PCCA: variants seen among roughly 807,000 people sequenced by gnomAD.
The protein encoded by PCCA is propionyl-CoA carboxylase subunit alpha, also known as propionyl-CoA carboxylase alpha chain, mitochondrial.
Under a neutral mutation model 101.3 loss-of-function variants are expected in PCCA, and 74 were observed. The observed-to-expected ratio is 0.73, with a 90% CI of 0.61 to 0.89. PCCA has a LOEUF of 0.89. Ranked by LOEUF, PCCA falls within the 40% of genes least tolerant of loss-of-function variation. The pLI, the probability that PCCA is intolerant of heterozygous loss-of-function variation, is 0.00. For synonymous variants in PCCA, 294 were observed against 313.6 expected (o/e 0.94, Z 0.66); for missense variants, 891 against 907.0 (o/e 0.98, Z 0.23).
chr13:100,360,194 A>G (rs757906868), intron 18 of PCCA, among the ~76,000 whole-genome samples: 3 of 151,322 alleles, frequency 2.0e-5, no homozygotes, highest in Non-Finnish European at 2.9e-5. Context: ...TTCTTTAACC[A>G]TCAGATCTCG....
chr13:100,410,317 A>G lies in PCCA; in HGVS notation c.1747-15316A>G, dbSNP rs145004683. ...GAGTGCATTGGCATGATCTGAGCTC[A>G]CTGCAACCTCCACCTCCTGGGTTCA... On this transcript the variant is annotated intron_variant, in intron 19 of 23. Transcript: ENST00000376285. Among the ~76,000 whole-genome samples, 1,455 of 152,266 alleles carry G rather than the reference A, an allele frequency of 9.6e-3. 80 individuals are homozygous for G. Among genetic ancestry groups the G allele is most frequent in the Admixed American group, 0.087 (1,326 of 15,286 alleles).
chr13:100,190,355 G>A (rs1424292180), intron 6 of PCCA, among the ~76,000 whole-genome samples: 1 of 152,178 alleles, frequency 6.6e-6, no homozygotes, highest in African/African-American at 2.4e-5. Context: ...ATTGTCAAGT[G>A]TGATAAATTC....
At chr13:100,309,253 TG>T (rs1321966873) in intron 15 of PCCA, among the ~76,000 whole-genome samples, 1 of 152,136 alleles carries the variant, frequency 6.6e-6, no homozygotes, top group Non-Finnish European at 1.5e-5. Context: ...AAAAATTAGC[TG>T]GGCGTGGTGA....
intron 21 of PCCA, among the ~76,000 whole-genome samples, chr13:100,469,215 A>AAAAAAAAAAAAAAAAAAC (rs2082780910): frequency 6.7e-6 from 1 of 149,538 alleles, no homozygotes; most frequent in Non-Finnish European, 1.5e-5. Context: ...CCGTCTCAAA[A>AAAAAAAAAAAAAAAAAAC]AAAAAAAAAA....
chr13:100,112,645 C>G (rs2048424535), intron 4 of PCCA, among the ~76,000 whole-genome samples: 1 of 140,176 alleles, frequency 7.1e-6, no homozygotes, highest in Non-Finnish European at 1.5e-5. Flanking sequence ...GGTGTGATCT[C>G]ACCTCACTAC....
chr13:100,390,185 A>C (rs1265980657), intron 19 of PCCA, among the ~76,000 whole-genome samples: 1 of 152,230 alleles, frequency 6.6e-6, no homozygotes, highest in Admixed American at 6.5e-5. Context: ...TCCACATGCA[A>C]TATGTTATTT....
chr13:100,210,680 A>G lies in PCCA; in HGVS notation c.600+1217A>G, dbSNP rs142607888. On this transcript the variant is annotated intron_variant, in intron 7 of 23. Coordinates refer to ENST00000376285, the MANE Select transcript of PCCA (RefSeq NM_000282.4). ...ATTATTCTGTTTTTTTCTAGTTAGA[A>G]GAGAGTCCTCATGTAGAGTTTTAAC... is the stretch of plus-strand genomic sequence containing the variant. Among the ~76,000 whole-genome samples the G allele has an allele frequency of 5.0e-4, 76 of 152,326 alleles. 1 individual carries two copies. The highest frequency in any genetic ancestry group is 3.9e-3 in the South Asian group (19 of 4,826).
At chr13:100,382,551 C>G (rs2076287371) in intron 19 of PCCA, among the ~76,000 whole-genome samples, 1 of 152,180 alleles carries the variant, frequency 6.6e-6, no homozygotes, top group African/African-American at 2.4e-5. Flanking sequence ...TAGAATTTCT[C>G]TGCCTCCTGT....
intron 4 of PCCA, among the ~76,000 whole-genome samples, chr13:100,135,445 A>T (rs896717558): frequency 5.9e-5 from 9 of 152,116 alleles, no homozygotes; most frequent in Non-Finnish European, 1.2e-4. Context: ...GTTATTGTTT[A>T]AAAAATTTTG....
chr13:100,298,672 CTCCTTCCTTCCT>C (rs1162874306), intron 12 of PCCA, among the ~76,000 whole-genome samples: 255 of 3,066 alleles, frequency 0.083, 15 homozygotes, highest in East Asian at 0.12. Flanking sequence ...CCCTCCCTCC[CTCCTTCCTTCCT>C]TCCTTCCTTC....
At chr13:100,493,995 C>A (rs1370920807) in intron 21 of PCCA, among the ~76,000 whole-genome samples, 1 of 151,848 alleles carries the variant, frequency 6.6e-6, no homozygotes, top group African/African-American at 2.4e-5. Context: ...TGGTGACCAT[C>A]CTGGCCAACA....
chr13:100,453,140 C>T (rs769415595), intron 21 of PCCA, among the ~76,000 whole-genome samples: 6 of 152,100 alleles, frequency 3.9e-5, no homozygotes, highest in Non-Finnish European at 7.4e-5. Context: ...GCCGTGATCA[C>T]ACCACTGCAC....
intron 11 of PCCA, among the ~76,000 whole-genome samples, chr13:100,271,104 C>T (rs1225449499): frequency 6.6e-6 from 1 of 151,932 alleles, no homozygotes; most frequent in Non-Finnish European, 1.5e-5. Context: ...GGATATCTAG[C>T]AGGGCTTTTG....
chr13:100,155,174 T>C, intron 5 of PCCA, 82 bp downstream of exon 5: 2 of 867,958 alleles, frequency 2.3e-6, no homozygotes, highest in Non-Finnish European at 1.9e-6. Context: ...AAAAAAAAAA[T>C]AGGAAAGAAT....
At chr13:100,317,239 T>G (rs1776461173) in intron 16 of PCCA, among the ~76,000 whole-genome samples, 1 of 152,188 alleles carries the variant, frequency 6.6e-6, no homozygotes, top group Admixed American at 6.5e-5. Flanking sequence ...AGTCCCTCCC[T>G]TAGAGTCTTA....
At chr13:100,171,378 T>C (rs988284255) in intron 6 of PCCA, among the ~76,000 whole-genome samples, 11 of 152,158 alleles carry the variant, frequency 7.2e-5, no homozygotes, top group Admixed American at 6.5e-4. Flanking sequence ...GGTGACTGGG[T>C]AGCCTCTTGA....
At position 100,268,663 on chromosome 13, in the gene PCCA, T is replaced by A. The variant is rs562471406; in HGVS notation, c.820-26T>A. The A allele has an allele frequency of 1.2e-5, 19 of 1,541,502 alleles. No individual in the cohort carries two copies. In the African/African-American group the frequency reaches 1.5e-4, roughly 12 times the overall value. Reference sequence around the variant, plus strand: ...CTACTTTGTGGGTGTGGTTATATGGTTTTTCAAATGGTATTGCTCTTTCAG... The same window carrying A: ...CTACTTTGTGGGTGTGGTTATATGGATTTTCAAATGGTATTGCTCTTTCAG... On this transcript the variant is annotated intron_variant, in intron 10 of 23. Transcript: ENST00000376285.
chr13:100,386,805 A>G (rs1483654531), intron 19 of PCCA, among the ~76,000 whole-genome samples: 3 of 152,196 alleles, frequency 2.0e-5, no homozygotes, highest in African/African-American at 7.2e-5. Context: ...ACTGGGACCC[A>G]TGGTTGCCTG....
chr13:100,162,674 G>A (rs987304191), intron 6 of PCCA, among the ~76,000 whole-genome samples: 2 of 152,200 alleles, frequency 1.3e-5, no homozygotes, highest in East Asian at 3.9e-4. Context: ...ATCCTCACTT[G>A]GATTTGCTAA....
Sources: allele counts gnomAD v4.1 joint callset (sites outside exome capture counted in the v4.1 genomes callset), GRCh38; gene constraint gnomAD v4.1.1; transcripts MANE v1.5; gene names NCBI Gene and HGNC (gene_info 2026-07-23, HGNC 2026-07-21).